The following CTNNA3 variants were observed in gnomAD, a reference collection of about 807,000 sequenced individuals.
CTNNA3 encodes catenin alpha 3.
Under a neutral mutation model 95.7 loss-of-function variants are expected in CTNNA3, and 76 were observed. That is an observed-to-expected ratio of 0.79 (90% confidence interval 0.66 to 0.96). CTNNA3 has a LOEUF of 0.96. Among genes scored for constraint, CTNNA3 ranks in the 40% least tolerant of loss-of-function variants. The pLI is 0.00. For synonymous variants in CTNNA3, 431 were observed against 374.4 expected, an observed-to-expected ratio of 1.15 and a Z score of -1.74; for missense variants, 1,191 against 1,089.8, an observed-to-expected ratio of 1.09 and a Z score of -1.31.
intron 11 of CTNNA3, among the ~76,000 whole-genome samples, chr10:66,423,597 G>T (rs561054394): frequency 6.6e-6 from 1 of 152,222 alleles, no homozygotes; most frequent in South Asian, 2.1e-4. Context: ...TGCCAGCCCT[G>T]AGGTAACCTC....
In CTNNA3 at chr10:65,919,198, G is replaced by A. The variant is rs10509241; in HGVS notation, c.*1132C>T. On this transcript the variant is annotated 3_prime_UTR_variant, in exon 18 of 18. Coordinates refer to ENST00000433211, the MANE Select transcript of CTNNA3 (RefSeq NM_013266.4). ...GAGAATGACAGAGAGAGGTACACTA[G>A]ACTCTAAGACTATTATGAAGTCCAT... is the stretch of plus-strand genomic sequence containing the variant. 31,811 of 151,934 alleles carry A rather than the reference G, an allele frequency of 0.21. 4,017 individuals are homozygous for A. Among genetic ancestry groups the A allele is most frequent in the Middle Eastern group, 0.34 (99 of 294 alleles). 9.4% of individuals were successfully genotyped at this position (151,934 alleles called of 1,614,324 possible). A position where few individuals can be genotyped will look rare whatever the true frequency, so the allele number is the denominator to read the frequency against.
At chr10:66,036,933 C>T (rs1450271054) in intron 15 of CTNNA3, among the ~76,000 whole-genome samples, 2 of 130,860 alleles carry the variant, frequency 1.5e-5, no homozygotes, top group Non-Finnish European at 3.1e-5. Context: ...AGTGCAGTGG[C>T]GCGATCTCAG....
intron 5 of CTNNA3, among the ~76,000 whole-genome samples, chr10:67,514,699 GGTTTTTGTTTT>G (rs1220408279): frequency 1.3e-5 from 2 of 148,994 alleles, no homozygotes; most frequent in Admixed American, 6.7e-5. Flanking sequence ...GTTGGTTTTG[GGTTTTTGTTTT>G]GTTTTTGTTG....
intron 2 of CTNNA3, among the ~76,000 whole-genome samples, chr10:67,643,962 T>C (rs1010602253): frequency 8.5e-5 from 13 of 152,150 alleles, no homozygotes; most frequent in Admixed American, 8.5e-4. Flanking sequence ...GTTCCAAGTC[T>C]TTGCTATTGT....
Position 67,750,835 on chromosome 10 carries a change from G to A in CTNNA3, c.-2+12599C>T, listed in dbSNP as rs1841403095. 13 of 1,610,862 alleles carry A rather than the reference G, an allele frequency of 8.1e-6. No homozygotes were observed. In the East Asian group the frequency reaches 2.9e-4, roughly 36 times the overall value. ...GAAATATAAACCAGTGACTAACCAG[G>A]TTGAGTGTCACCCATACCTCACACA... On this transcript the variant is annotated intron_variant, in intron 1 of 17. Transcript: ENST00000684154.
intron 5 of CTNNA3, among the ~76,000 whole-genome samples, chr10:67,467,565 A>G (rs1847644350): frequency 6.6e-6 from 1 of 152,154 alleles, no homozygotes; most frequent in Non-Finnish European, 1.5e-5. Flanking sequence ...TTATTGAACA[A>G]CATATTTTCA....
intron 12 of CTNNA3, among the ~76,000 whole-genome samples, chr10:66,365,396 G>A (rs1167245984): frequency 6.6e-6 from 1 of 152,138 alleles, no homozygotes; most frequent in Non-Finnish European, 1.5e-5. Context: ...GGGCTGGGGG[G>A]ACTAGGGGAG....
chr10:66,004,576 T>C (rs1015520801), intron 15 of CTNNA3, among the ~76,000 whole-genome samples: 2 of 152,198 alleles, frequency 1.3e-5, no homozygotes, highest in African/African-American at 4.8e-5. Flanking sequence ...TGAGAAACTT[T>C]ACCCTAGTGA....
chr10:67,748,490 T>A (rs1012961589), intron 1 of CTNNA3, among the ~76,000 whole-genome samples: 4 of 152,158 alleles, frequency 2.6e-5, no homozygotes, highest in African/African-American at 9.7e-5. Context: ...CAGAATTTCA[T>A]ATCCAGCCAA....
intron 7 of CTNNA3, among the ~76,000 whole-genome samples, chr10:67,017,725 C>CTGTGTGTG (rs10586644): frequency 2.1e-4 from 31 of 147,988 alleles, no homozygotes; most frequent in African/African-American, 5.5e-4. Context: ...CAAAAATCAT[C>CTGTGTGTG]TGTGTGTGTG....
chr10:66,894,581 G>A (rs374578434), intron 7 of CTNNA3, among the ~76,000 whole-genome samples: 9 of 151,776 alleles, frequency 5.9e-5, no homozygotes, highest in African/African-American at 1.9e-4. Flanking sequence ...TTTTGTAACC[G>A]GATGTTAAAA....
At chr10:66,394,915 T>C (rs141983819) in intron 11 of CTNNA3, among the ~76,000 whole-genome samples, 22 of 151,922 alleles carry the variant, frequency 1.4e-4, no homozygotes, top group African/African-American at 5.1e-4. Flanking sequence ...ACAAATAAAG[T>C]ACAATAAATG....
At chr10:67,540,556 G>T (rs1056224558) in intron 3 of CTNNA3, among the ~76,000 whole-genome samples, 1 of 151,866 alleles carries the variant, frequency 6.6e-6, no homozygotes, top group African/African-American at 2.4e-5. Context: ...ATGAATGTAT[G>T]ATTTATGTGT....
intron 16 of CTNNA3, among the ~76,000 whole-genome samples, chr10:65,978,770 T>A (rs1415438265): frequency 2.6e-5 from 4 of 152,198 alleles, no homozygotes; most frequent in African/African-American, 9.6e-5. Context: ...CTCTTTTCCA[T>A]CTCTTAAATC....
intron 9 of CTNNA3, among the ~76,000 whole-genome samples, chr10:66,707,152 G>A (rs1446672816): frequency 2.6e-5 from 4 of 151,950 alleles, no homozygotes; most frequent in Non-Finnish European, 5.9e-5. Flanking sequence ...TTATTTTAGA[G>A]TTCCAAGATA....
At chr10:66,545,850 A>C (rs1184331900) in intron 10 of CTNNA3, among the ~76,000 whole-genome samples, 1 of 151,856 alleles carries the variant, frequency 6.6e-6, no homozygotes, top group Non-Finnish European at 1.5e-5. Flanking sequence ...TCACTTGCCC[A>C]TTCCCAAGTG....
intron 12 of CTNNA3, among the ~76,000 whole-genome samples, chr10:66,291,198 G>A (rs947030839): frequency 5.3e-5 from 8 of 152,080 alleles, no homozygotes; most frequent in Non-Finnish European, 1.2e-4. Flanking sequence ...TTTTCTCATT[G>A]CATTTTATAT....
At chr10:66,471,564 T>C (rs9943376) in intron 11 of CTNNA3, among the ~76,000 whole-genome samples, 9,383 of 151,882 alleles carry the variant, frequency 0.062, 605 homozygotes, top group African/African-American at 0.16. Context: ...TTCACGCCAG[T>C]GAATTAAATA....
chr10:66,069,847 C>T (rs1313014125), intron 14 of CTNNA3, among the ~76,000 whole-genome samples: 3 of 151,844 alleles, frequency 2.0e-5, no homozygotes, highest in South Asian at 2.1e-4. Flanking sequence ...TAGAAAAGTG[C>T]GTATAAAAAG....
Sources: gnomAD v4.1 joint callset for allele counts (sites outside exome capture counted in the v4.1 genomes callset) on GRCh38, gnomAD v4.1.1 for gene constraint, MANE v1.5 for transcripts, NCBI Gene and HGNC (gene_info 2026-07-23, HGNC 2026-07-21) for gene names.